The following TMEM231 variants were observed in gnomAD, a reference collection of about 807,000 sequenced individuals.
TMEM231 encodes transmembrane protein 231.
In TMEM231, 40 loss-of-function variants were observed where a neutral mutation model predicts 38.5. The observed-to-expected ratio is 1.04, with a 90% confidence interval of 0.81 to 1.35. TMEM231 has a LOEUF of 1.35. TMEM231 is among the 40% of genes most tolerant of loss of function. TMEM231 has a pLI of 0.00. For missense variants in TMEM231, 420 were observed against 416.9 expected, an observed-to-expected ratio of 1.01 and a Z score of -0.07; for synonymous variants, 199 against 181.7, an observed-to-expected ratio of 1.10 and a Z score of -0.77.
At chr16:75,540,820 T>C (rs1308910486) in intron 6 of TMEM231, among the ~76,000 whole-genome samples, 1 of 152,216 alleles carries the variant, frequency 6.6e-6, no homozygotes, top group Admixed American at 6.5e-5. Flanking sequence ...ACATGAATTA[T>C]TTGTTCCTAT....
At chr16:75,540,658 T>G (rs2080613814) in intron 6 of TMEM231, among the ~76,000 whole-genome samples, 1 of 152,208 alleles carries the variant, frequency 6.6e-6, no homozygotes, top group African/African-American at 2.4e-5. Flanking sequence ...TTAGTCGACC[T>G]AAGTCAAAAT....
chr16:75,546,469 G>T (rs565745074), intron 2 of TMEM231, among the ~76,000 whole-genome samples: 9 of 151,784 alleles, frequency 5.9e-5, no homozygotes, highest in African/African-American at 4.8e-5. Context: ...TTGAGCCGGG[G>T]TCTAACTCTA....
chr16:75,544,666 G>C (rs2080662354), intron 4 of TMEM231, among the ~76,000 whole-genome samples: 1 of 152,156 alleles, frequency 6.6e-6, no homozygotes, highest in South Asian at 2.1e-4. Context: ...TACTTTACAT[G>C]AACATTTTAC....
At chr16:75,541,243 C>A in intron 6 of TMEM231, 107 bp downstream of exon 6, 2 of 540,498 alleles carry the variant, frequency 3.7e-6, no homozygotes, top group Non-Finnish European at 3.0e-6. Flanking sequence ...TGGTTGTGAA[C>A]TCCTGGGTTC....
At position 75,555,989 on chromosome 16, in the gene TMEM231, C is replaced by A; in HGVS notation, c.140-16G>T. ...AGCCAAAACCCTGAGTTAAAGAGGGCGGTAGGGAGGCGGTTAGGGAGGCCG... is the reference window on the plus strand; with the variant it reads ...AGCCAAAACCCTGAGTTAAAGAGGGAGGTAGGGAGGCGGTTAGGGAGGCCG... On this transcript the variant is annotated splice_polypyrimidine_tract_variant and intron_variant, in intron 1 of 6. Transcript: ENST00000258173. 3 of 1,595,534 alleles carry A rather than the reference C, an allele frequency of 1.9e-6. No homozygotes were observed. Among genetic ancestry groups the A allele is most frequent in the South Asian group, 1.1e-5 (1 of 88,366 alleles).
At chr16:75,551,749 G>A (rs1445766529) in intron 2 of TMEM231, among the ~76,000 whole-genome samples, 1 of 151,680 alleles carries the variant, frequency 6.6e-6, no homozygotes, top group African/African-American at 2.4e-5. Context: ...ATCACCTGAG[G>A]TCAGGAGTTC....
Position 75,542,630 on chromosome 16 carries a change from A to C in TMEM231, c.636T>G (p.His212Gln), listed in dbSNP as rs752719030. The change falls in exon 5 of 7, where the codon CAT (histidine) becomes CAG (glutamine). Residue 212 changes from histidine (H) to glutamine (Q), a missense_variant. Physicochemically the swap from His to Gln is conservative, Grantham distance 24. Coordinates refer to ENST00000258173, the MANE Select transcript of TMEM231 (RefSeq NM_001077418.3). The stretch of plus-strand genomic sequence containing the variant: ...TCCTCTCCTGGTAGGCAGCAACAAT[A>C]TGGGTGAGGTCGTAGTCATAGGCAA... ...SPFAYDYDLT[H>Q]IVAAYQERNV... 59 of 1,613,724 alleles carry C rather than the reference A, an allele frequency of 3.7e-5. No individual in the cohort carries two copies. The East Asian group carries it at 1.3e-3, about 35-fold the overall frequency.
intron 2 of TMEM231, among the ~76,000 whole-genome samples, chr16:75,547,596 T>A (rs900247229): frequency 2.0e-5 from 3 of 151,940 alleles, no homozygotes; most frequent in African/African-American, 7.3e-5. Flanking sequence ...CTGGCCAACA[T>A]GGTGAAACCC....
intron 2 of TMEM231, among the ~76,000 whole-genome samples, chr16:75,549,998 C>T (rs183815966): frequency 2.0e-5 from 3 of 152,206 alleles, no homozygotes; most frequent in Admixed American, 6.5e-5. Context: ...CATGAGCCAC[C>T]GCACCTGGCC....
At chr16:75,540,217 TGAA>T (rs2080607191) in intron 6 of TMEM231, 43 bp from the exon 7 acceptor site, 1 of 1,554,678 alleles carries the variant, frequency 6.4e-7, no homozygotes, top group Non-Finnish European at 8.7e-7. Flanking sequence ...GTGTTAAGTA[TGAA>T]GAGAAAATCC....
chr16:75,547,906 T>G (rs1055398145), intron 2 of TMEM231, among the ~76,000 whole-genome samples: 2 of 152,164 alleles, frequency 1.3e-5, no homozygotes, highest in South Asian at 4.1e-4. Context: ...ATCTTTAGGG[T>G]TGGACAGGAA....
chr16:75,540,292 A>T, intron 6 of TMEM231, 118 bp from the exon 7 acceptor site: 1 of 990,142 alleles, frequency 1.0e-6, no homozygotes, highest in Non-Finnish European at 1.4e-6. Flanking sequence ...TCATGTACAC[A>T]CCCAGATGGA....
intron 2 of TMEM231, among the ~76,000 whole-genome samples, chr16:75,551,932 A>C (rs2080766625): frequency 6.6e-6 from 1 of 151,694 alleles, no homozygotes; most frequent in Non-Finnish European, 1.5e-5. Flanking sequence ...ACTGCACTCC[A>C]GCCTGGGCAA....
chr16:75,548,472 T>A (rs532185901), intron 2 of TMEM231, among the ~76,000 whole-genome samples: 5 of 152,128 alleles, frequency 3.3e-5, no homozygotes, highest in Non-Finnish European at 5.9e-5. Context: ...AAAGTCCCCA[T>A]CCTAATGGGG....
intron 2 of TMEM231, among the ~76,000 whole-genome samples, chr16:75,547,536 A>G (rs1259594246): frequency 6.6e-6 from 1 of 152,112 alleles, no homozygotes; most frequent in Non-Finnish European, 1.5e-5. Flanking sequence ...TATAGGTAGG[A>G]TGAAAAGAGC....
chr16:75,537,248 G>A lies in TMEM231; in HGVS notation c.*2746C>T, dbSNP rs910722790. On this transcript the variant is annotated 3_prime_UTR_variant, in exon 7 of 7. Coordinates refer to ENST00000258173, the MANE Select transcript of TMEM231 (RefSeq NM_001077418.3). ...CAGGTTGTACAATTTAGCTATATAC[G>A]AAACCCATACATATACCCCATGAGT... 6.9e-6 allele frequency: 1 copy of A among 144,126 alleles called. No homozygotes were observed. The highest frequency in any genetic ancestry group is 7.5e-5 in the Admixed American group (1 of 13,324). The allele number at this position is 144,126 out of a possible 1,614,324, so 8.9% of individuals were successfully genotyped here. A position where few individuals can be genotyped will look rare whatever the true frequency, so the allele number is the denominator to read the frequency against.
intron 2 of TMEM231, among the ~76,000 whole-genome samples, chr16:75,552,856 G>T (rs878919183): frequency 6.6e-6 from 1 of 152,066 alleles, no homozygotes; most frequent in Non-Finnish European, 1.5e-5. Context: ...TTAGAAACAC[G>T]GTACTCTCCA....
rs758783125 is a variant in TMEM231, at chr16:75,542,653, C to G, written c.613G>C (p.Ala205Pro). Reference sequence around the variant, plus strand: ...ATATGGGTGAGGTCGTAGTCATAGGCAAAGGGGCTGGTCCCGTTGATCACG... The same window carrying G: ...ATATGGGTGAGGTCGTAGTCATAGGGAAAGGGGCTGGTCCCGTTGATCACG... ...ISVINGTSPFAYDYDLTHIVA... is the reference protein window; with the variant it reads ...ISVINGTSPFPYDYDLTHIVA... Residue 205 changes from alanine to proline, a missense_variant, in exon 5 of 7, where the codon GCC becomes CCC. Physicochemically the swap from Ala to Pro is conservative, Grantham distance 27 (BLOSUM62 -1). Coordinates refer to ENST00000258173, the MANE Select transcript of TMEM231 (RefSeq NM_001077418.3). 1.2e-6 allele frequency: 2 copies of G among 1,613,892 alleles called. No homozygotes were observed. The highest frequency in any genetic ancestry group is 1.7e-6 in the Non-Finnish European group (2 of 1,179,864).
intron 6 of TMEM231, among the ~76,000 whole-genome samples, chr16:75,540,704 A>C (rs1271379239): frequency 6.6e-6 from 1 of 152,254 alleles, no homozygotes; most frequent in African/African-American, 2.4e-5. Context: ...GACTGGCAAG[A>C]ATGTTTCACA....
Sources: allele counts gnomAD v4.1 joint callset (sites outside exome capture counted in the v4.1 genomes callset), GRCh38; gene constraint gnomAD v4.1.1; transcripts MANE v1.5; gene names NCBI Gene and HGNC (gene_info 2026-07-23, HGNC 2026-07-21).